PDE11A: variants seen among roughly 807,000 people sequenced by gnomAD.
The protein encoded by PDE11A is dual 3',5'-cyclic-AMP and -GMP phosphodiesterase 11A.
PDE11A carries 100 observed loss-of-function variants against 100.5 expected under a neutral mutation model. That is an observed-to-expected ratio of 1.00 (90% confidence interval 0.85 to 1.18). The LOEUF is 1.18. PDE11A is among the 50% of genes most tolerant of loss of function. The pLI is 0.00. For synonymous variants in PDE11A, 381 were observed against 420.8 expected, an observed-to-expected ratio of 0.91 and a Z score of 1.16; for missense variants, 1,141 against 1,152.6, an observed-to-expected ratio of 0.99 and a Z score of 0.15.
chr2:177,812,728 C>T lies in PDE11A; in HGVS notation c.1737+4101G>A, dbSNP rs188108821. Among the ~76,000 whole-genome samples the T allele has an allele frequency of 3.3e-5, 5 of 152,178 alleles. No homozygotes were observed. In the East Asian group the frequency reaches 7.8e-4, roughly 24 times the overall value. ...AATACCTATGGAGAAAGAGATGCCC[C>T]TTGACTCCCAGTAATCACTCACTCC... On this transcript the variant is annotated intron_variant, in intron 9 of 19. Coordinates refer to ENST00000286063, the MANE Select transcript of PDE11A (RefSeq NM_016953.4).
chr2:177,871,899 G>A (rs969901547), intron 5 of PDE11A, among the ~76,000 whole-genome samples: 2 of 152,218 alleles, frequency 1.3e-5, no homozygotes, highest in African/African-American at 4.8e-5. Context: ...AATACTTCAA[G>A]GATGGCTTTT....
chr2:177,905,014 T>C (rs2084760199), intron 3 of PDE11A, 84 bp downstream of exon 3: 43 of 793,028 alleles, frequency 5.4e-5, no homozygotes, highest in South Asian at 4.1e-4. Context: ...AGATCATTCA[T>C]TGGCTGTTTT....
intron 2 of PDE11A, among the ~76,000 whole-genome samples, chr2:178,001,598 C>G (rs932164043): frequency 1.3e-5 from 2 of 152,154 alleles, no homozygotes; most frequent in Non-Finnish European, 2.9e-5. Context: ...GAACATACAA[C>G]CTACCTTTGC....
chr2:177,657,469 C>T (rs549942646), intron 19 of PDE11A, among the ~76,000 whole-genome samples: 1 of 152,196 alleles, frequency 6.6e-6, no homozygotes, highest in Non-Finnish European at 1.5e-5. Context: ...TTCTACATTT[C>T]AGAACTCTCC....
intron 14 of PDE11A, among the ~76,000 whole-genome samples, chr2:177,698,255 T>G (rs1300742812): frequency 1.3e-5 from 2 of 152,184 alleles, no homozygotes; most frequent in Non-Finnish European, 2.9e-5. Context: ...CTAAGTAAAG[T>G]TAGGATGACA....
At chr2:177,942,866 C>T (rs1186130402) in intron 2 of PDE11A, among the ~76,000 whole-genome samples, 1 of 151,964 alleles carries the variant, frequency 6.6e-6, no homozygotes, top group Admixed American at 6.6e-5. Context: ...ATTAAACAAC[C>T]CCCTATTTCC....
intron 1 of PDE11A, 33 bp downstream of exon 1, chr2:178,071,493 G>T: frequency 5.0e-6 from 8 of 1,612,930 alleles, no homozygotes; most frequent in Non-Finnish European, 6.8e-6. Flanking sequence ...AGCCAATGGG[G>T]CTCTGGGAGA....
chr2:177,934,842 G>A (rs2085252951), intron 2 of PDE11A, among the ~76,000 whole-genome samples: 1 of 152,140 alleles, frequency 6.6e-6, no homozygotes. Context: ...CAGCAACATG[G>A]ATACAGCTGA....
At chr2:177,712,669 G>T (rs774123292) in intron 12 of PDE11A, among the ~76,000 whole-genome samples, 3 of 152,178 alleles carry the variant, frequency 2.0e-5, no homozygotes, top group Non-Finnish European at 2.9e-5. Context: ...CAGCAGCAAT[G>T]CTTCTTGGGT....
chr2:177,986,830 CAAA>C (rs57382231), intron 2 of PDE11A, among the ~76,000 whole-genome samples: 2 of 94,602 alleles, frequency 2.1e-5, no homozygotes, highest in Non-Finnish European at 2.2e-5. Context: ...GACTCCATCT[CAAA>C]AAAAAAAAAA....
intron 2 of PDE11A, among the ~76,000 whole-genome samples, chr2:177,930,460 A>T (rs896541721): frequency 1.3e-5 from 2 of 152,176 alleles, no homozygotes; most frequent in Non-Finnish European, 2.9e-5. Context: ...CATGATTCCC[A>T]GTATGCATCC....
chr2:177,661,045 C>T (rs2080478850), intron 19 of PDE11A, among the ~76,000 whole-genome samples: 1 of 152,216 alleles, frequency 6.6e-6, no homozygotes, highest in South Asian at 2.1e-4. Flanking sequence ...CCTCCACCTG[C>T]AGGAAGATCC....
intron 5 of PDE11A, among the ~76,000 whole-genome samples, chr2:177,873,464 A>G (rs13388218): frequency 0.1 from 15,383 of 152,238 alleles, 971 homozygotes; most frequent in African/African-American, 0.18. Context: ...ATGTGAATAT[A>G]AATACATTTT....
intron 9 of PDE11A, among the ~76,000 whole-genome samples, chr2:177,813,809 T>C (rs1183576260): frequency 1.7e-5 from 2 of 119,830 alleles, no homozygotes; most frequent in East Asian, 2.4e-4. Context: ...AATGGATTAT[T>C]TCCCTCCACT....
intron 2 of PDE11A, among the ~76,000 whole-genome samples, chr2:177,918,398 G>A (rs950785777): frequency 6.6e-6 from 1 of 152,050 alleles, no homozygotes; most frequent in Non-Finnish European, 1.5e-5. Flanking sequence ...TTATTTTGAG[G>A]GCTCAATTAC....
chr2:177,979,644 TCTGTCGC>T (rs2085855999), intron 2 of PDE11A, among the ~76,000 whole-genome samples: 1 of 120,534 alleles, frequency 8.3e-6, no homozygotes, highest in African/African-American at 3.5e-5. Context: ...AGAGTCTCAC[TCTGTCGC>T]CCAGCCTGGA....
intron 1 of PDE11A, among the ~76,000 whole-genome samples, chr2:178,031,933 C>T (rs1464979120): frequency 6.6e-6 from 1 of 152,084 alleles, no homozygotes; most frequent in Non-Finnish European, 1.5e-5. Flanking sequence ...TTAATACTTT[C>T]TATAAGCTAC....
intron 9 of PDE11A, among the ~76,000 whole-genome samples, chr2:177,771,360 A>G (rs2082308223): frequency 2.0e-5 from 3 of 152,316 alleles, no homozygotes; most frequent in Admixed American, 2.0e-4. Flanking sequence ...AAGAACTTTG[A>G]GAAGCACTGA....
intron 2 of PDE11A, among the ~76,000 whole-genome samples, chr2:177,932,820 C>G (rs1405684636): frequency 1.4e-5 from 2 of 144,102 alleles, no homozygotes; most frequent in Non-Finnish European, 3.0e-5. Context: ...GCCAGAGCAA[C>G]TAGGCAAGAG....
Sources: gnomAD v4.1 joint callset for allele counts (sites outside exome capture counted in the v4.1 genomes callset) on GRCh38, gnomAD v4.1.1 for gene constraint, MANE v1.5 for transcripts, NCBI Gene and HGNC (gene_info 2026-07-23, HGNC 2026-07-21) for gene names.